The following PLD5 variants were observed in gnomAD, a reference collection of about 807,000 sequenced individuals.
The protein encoded by PLD5 is phospholipase D family member 5.
Under a neutral mutation model 61.1 loss-of-function variants are expected in PLD5, and 36 were observed. The ratio of observed to expected loss-of-function variants is 0.59; its 90% CI spans 0.45 to 0.78. The LOEUF (loss-of-function observed/expected upper bound fraction) is 0.78, where lower values mean the gene tolerates loss of function less well. Ranked by LOEUF, PLD5 falls within the 30% of genes least tolerant of loss-of-function variation. The pLI is 0.00. For synonymous variants in PLD5, 243 were observed against 242.8 expected (o/e 1.00, Z -0.01); for missense variants, 515 against 644.4 (o/e 0.80, Z 2.17).
rs1669495108 is a variant in PLD5, at chr1:242,207,884, A to ATTTATATATATT, written c.735+12092_735+12103dup. Among the ~76,000 whole-genome samples, 14 of 28,610 alleles carry ATTTATATATATT rather than the reference A, an allele frequency of 4.9e-4. 3 individuals carry two copies. The highest frequency in any genetic ancestry group is 3.4e-3 in the Admixed American group (5 of 1,450). 18.8% of individuals were successfully genotyped at this position (28,610 alleles called of 152,430 possible). On this transcript the variant is annotated intron_variant, in intron 5 of 9. Coordinates refer to ENST00000536534, the MANE Select transcript of PLD5 (RefSeq NM_001372062.1). ...TTTATATATTTATATATATTTATAT[A>ATTTATATATATT]TTTATATATATTTATATATTTATAT...
chr1:242,176,836 A>G (rs1193998803), intron 5 of PLD5, among the ~76,000 whole-genome samples: 1 of 152,228 alleles, frequency 6.6e-6, no homozygotes, highest in African/African-American at 2.4e-5. Flanking sequence ...GTTTATCATC[A>G]CTGGTCATCA....
chr1:242,400,954 T>C (rs1372920264), intron 1 of PLD5, among the ~76,000 whole-genome samples: 1 of 152,172 alleles, frequency 6.6e-6, no homozygotes. Flanking sequence ...AATGGCTAAA[T>C]TTTTATTTCT....
chr1:242,249,871 G>A (rs1672604361), intron 4 of PLD5, among the ~76,000 whole-genome samples: 1 of 152,104 alleles, frequency 6.6e-6, no homozygotes. Flanking sequence ...TTTTCTATTA[G>A]GAGACAGATA....
chr1:242,387,331 T>C (rs2149261113), intron 1 of PLD5, among the ~76,000 whole-genome samples: 1 of 152,296 alleles, frequency 6.6e-6, no homozygotes, highest in African/African-American at 2.4e-5. Flanking sequence ...AGATTTTCCC[T>C]GCCATATATC....
At chr1:242,155,799 T>C (rs1444434132) in intron 5 of PLD5, among the ~76,000 whole-genome samples, 2 of 152,178 alleles carry the variant, frequency 1.3e-5, no homozygotes, top group Admixed American at 6.5e-5. Context: ...ATAAGTGCGA[T>C]GAGGTGCTGA....
At chr1:242,236,775 G>T (rs1490540643) in intron 4 of PLD5, among the ~76,000 whole-genome samples, 1 of 152,208 alleles carries the variant, frequency 6.6e-6, no homozygotes, top group Non-Finnish European at 1.5e-5. Context: ...GAGGAAGAAA[G>T]CCTGGCTAAG....
At chr1:242,127,276 C>G (rs1487986930) in intron 5 of PLD5, among the ~76,000 whole-genome samples, 1 of 152,172 alleles carries the variant, frequency 6.6e-6, no homozygotes, top group Non-Finnish European at 1.5e-5. Context: ...GTAGAACTAC[C>G]ATTGGATCCA....
intron 2 of PLD5, among the ~76,000 whole-genome samples, chr1:242,314,310 G>T (rs2149177610): frequency 6.6e-6 from 1 of 152,302 alleles, no homozygotes; most frequent in South Asian, 2.1e-4. Flanking sequence ...CCACAGCCAA[G>T]AATGCACAAG....
At chr1:242,476,826 C>T (rs1176262656) in intron 1 of PLD5, among the ~76,000 whole-genome samples, 1 of 152,160 alleles carries the variant, frequency 6.6e-6, no homozygotes, top group African/African-American at 2.4e-5. Flanking sequence ...AAATAATTCA[C>T]ACTTGTCCAC....
At chr1:242,285,535 A>G (rs1034890913) in intron 3 of PLD5, among the ~76,000 whole-genome samples, 107 of 151,826 alleles carry the variant, frequency 7.0e-4, no homozygotes, top group African/African-American at 2.6e-3. Flanking sequence ...GCCATGTGGG[A>G]TTGGGTCATG....
In PLD5 at chr1:242,089,428, T is replaced by G; in HGVS notation, c.*426A>C. The G allele has an allele frequency of 2.4e-6, 1 of 420,130 alleles. No individual in the cohort carries two copies. The highest frequency in any genetic ancestry group is 4.2e-6 in the Non-Finnish European group (1 of 238,592). 26.0% of individuals were successfully genotyped at this position (420,130 alleles called of 1,614,324 possible). A position where few individuals can be genotyped will look rare whatever the true frequency, so the allele number is the denominator to read the frequency against. ...ACGATTTACAAGAATAAACACTTGG[T>G]TTTATCAGTCTCTTCTCCAAGGCAA... On this transcript the variant is annotated 3_prime_UTR_variant, in exon 10 of 10. Transcript: ENST00000536534.
At chr1:242,236,530 T>C (rs879802701) in intron 4 of PLD5, among the ~76,000 whole-genome samples, 2 of 151,154 alleles carry the variant, frequency 1.3e-5, no homozygotes, top group Non-Finnish European at 3.0e-5. Context: ...CTTTTGCTTT[T>C]GAAAAAAATA....
chr1:242,404,786 C>T (rs1664132837), intron 1 of PLD5, among the ~76,000 whole-genome samples: 1 of 151,440 alleles, frequency 6.6e-6, no homozygotes. Context: ...CCCCTAATAT[C>T]TATGACTCCC....
chr1:242,346,123 G>A (rs1222490372), intron 2 of PLD5, among the ~76,000 whole-genome samples: 2 of 142,718 alleles, frequency 1.4e-5, no homozygotes, highest in Admixed American at 1.4e-4. Context: ...AAAGGAGAAT[G>A]CCTAGTAGCT....
chr1:242,251,060 A>G (rs1198516019), intron 4 of PLD5, among the ~76,000 whole-genome samples: 1 of 152,188 alleles, frequency 6.6e-6, no homozygotes, highest in Non-Finnish European at 1.5e-5. Context: ...GAAGAAGAAC[A>G]TGGAGGGCCA....
chr1:242,091,563 A>G (rs1470630854), intron 9 of PLD5, among the ~76,000 whole-genome samples: 1 of 152,176 alleles, frequency 6.6e-6, no homozygotes, highest in Non-Finnish European at 1.5e-5. Flanking sequence ...CCATAACAGT[A>G]TGTGCTTTCG....
At chr1:242,508,209 CAA>C (rs11458705) in intron 1 of PLD5, among the ~76,000 whole-genome samples, 10 of 137,680 alleles carry the variant, frequency 7.3e-5, no homozygotes, top group African/African-American at 2.7e-4. Flanking sequence ...ACTAAAAATA[CAA>C]AAAAAAAAAA....
At chr1:242,246,517 A>ACACACACACACACAC (rs60224534) in intron 4 of PLD5, among the ~76,000 whole-genome samples, 8 of 150,712 alleles carry the variant, frequency 5.3e-5, no homozygotes, top group South Asian at 2.1e-4. Flanking sequence ...ACACACACAC[A>ACACACACACACACAC]AAAGCAAAAT....
chr1:242,254,826 C>A (rs556945669), intron 4 of PLD5, among the ~76,000 whole-genome samples: 1 of 152,310 alleles, frequency 6.6e-6, no homozygotes, highest in South Asian at 2.1e-4. Flanking sequence ...TGCTAATTAT[C>A]ACTAAAAAGC....
Sources: gnomAD v4.1 joint callset for allele counts (sites outside exome capture counted in the v4.1 genomes callset) on GRCh38, gnomAD v4.1.1 for gene constraint, MANE v1.5 for transcripts, NCBI Gene and HGNC (gene_info 2026-07-23, HGNC 2026-07-21) for gene names.